The following MTHFSD variants were observed in gnomAD, a reference collection of about 807,000 sequenced individuals.
MTHFSD encodes the protein methenyltetrahydrofolate synthetase domain containing, also known as methenyltetrahydrofolate synthase domain-containing protein.
MTHFSD carries 37 observed loss-of-function variants against 31.1 expected under a neutral mutation model. That is an observed-to-expected ratio of 1.19 (90% confidence interval 0.91 to 1.56). The LOEUF is 1.56. Among genes scored for constraint, MTHFSD ranks in the 40% most tolerant of loss-of-function variants. The pLI is 0.00. For missense variants in MTHFSD, 664 were observed against 510.1 expected (o/e 1.30, Z -2.91); for synonymous variants, 221 against 206.9 (o/e 1.07, Z -0.59).
At chr16:86,541,290 G>GT in intron 7 of MTHFSD, 3 of 873,508 alleles carry the variant, frequency 3.4e-6, no homozygotes, top group Non-Finnish European at 4.4e-6. Flanking sequence ...CAGATCGTCA[G>GT]TAAAAAAAAA....
intron 7 of MTHFSD, chr16:86,533,549 A>G (rs1194769882): frequency 6.6e-6 from 1 of 152,260 alleles, no homozygotes; most frequent in African/African-American, 2.4e-5. Context: ...GAGCTAGACA[A>G]CTGTAAATTG....
chr16:86,542,359 TGCCCACAAGCA>T lies in MTHFSD; in HGVS notation c.443-157_443-147del. On this transcript the variant is annotated intron_variant, in intron 5 of 7. Coordinates refer to ENST00000360900, the MANE Select transcript of MTHFSD (RefSeq NM_001159377.2). This position sits in a 1 kb window ranked among gnomAD's most constrained non-coding sequence, Gnocchi z 4.6. ...AATTTTCACAGAAATGCCCACCAAA[TGCCCACAAGCA>T]GCCCACACTGACGATGGACTTTTGG... 1.5e-6 allele frequency: 1 copy of T among 661,786 alleles called. No individual in the cohort carries two copies. The highest frequency in any genetic ancestry group is 2.5e-6 in the Non-Finnish European group (1 of 392,478). The allele number at this position is 661,786 out of a possible 1,614,324, so 41.0% of individuals were successfully genotyped here. A position where few individuals can be genotyped will look rare whatever the true frequency, so the allele number is the denominator to read the frequency against.
intron 7 of MTHFSD, chr16:86,541,267 CT>C (rs1378491578): frequency 5.8e-6 from 7 of 1,202,920 alleles, no homozygotes; most frequent in Non-Finnish European, 7.5e-6. Context: ...CAGGCTAGAT[CT>C]GCTTGAAGAT....
chr16:86,539,689 T>C (rs1971213134), intron 7 of MTHFSD, among the ~76,000 whole-genome samples: 1 of 152,148 alleles, frequency 6.6e-6, no homozygotes, highest in Non-Finnish European at 1.5e-5. Context: ...CTGTTTACAG[T>C]AACTGCACTC....
intron 2 of MTHFSD, among the ~76,000 whole-genome samples, chr16:86,552,570 A>G (rs1388504399): frequency 6.6e-6 from 1 of 152,184 alleles, no homozygotes; most frequent in Non-Finnish European, 1.5e-5. Context: ...TGTAACCACC[A>G]CCAAAATCAA....
chr16:86,537,413 C>G (rs370604417), intron 7 of MTHFSD, among the ~76,000 whole-genome samples: 4 of 152,132 alleles, frequency 2.6e-5, no homozygotes, highest in Non-Finnish European at 4.4e-5. Context: ...GGACTCCCCC[C>G]ACCCCCATTT....
At position 86,532,281 on chromosome 16, in the gene MTHFSD, A is replaced by C. The variant is rs779907962; in HGVS notation, c.882T>G (p.Pro294=). ...GPETNSMEAA[P]GSPPGEGAPL... is the part of the protein sequence containing the mutation. ...GGGCACCCTCCCCTGGTGGGGAGCC[A>C]GGGGCTGCCTCCATGGAATTGGTTT... is the stretch of plus-strand genomic sequence containing the variant. The change falls in exon 8 of 8, where the codon CCT becomes CCG. Residue 294 remains proline (P), a synonymous_variant. Coordinates refer to ENST00000360900, the MANE Select transcript of MTHFSD (RefSeq NM_001159377.2). 1.8e-5 allele frequency: 29 copies of C among 1,569,342 alleles called. No individual in the cohort carries two copies. Among genetic ancestry groups the C allele is most frequent in the Non-Finnish European group, 2.3e-5 (27 of 1,160,484 alleles).
In MTHFSD at chr16:86,540,567, C is replaced by T. The variant is rs147616359; in HGVS notation, c.681+1130G>A. The stretch of plus-strand genomic sequence containing the variant: ...CCTAGAGGGACTGCCAGCAGCTTCG[C>T]TGTGGCTAATGCCCTTGTGCAACCT... On this transcript the variant is annotated intron_variant, in intron 7 of 7. Transcript: ENST00000360900. 6.4e-6 allele frequency: 4 copies of T among 624,830 alleles called. No homozygotes were observed. The East Asian group carries it at 5.6e-4, about 87-fold the overall frequency. The allele number at this position is 624,830 out of a possible 1,614,324, so 38.7% of individuals were successfully genotyped here.
chr16:86,533,530 G>A (rs918342551), intron 7 of MTHFSD: 11 of 152,196 alleles, frequency 7.2e-5, no homozygotes, highest in Non-Finnish European at 1.6e-4. Flanking sequence ...GCAGTACAGG[G>A]CAGCACATGA....
chr16:86,551,067 A>G (rs974421990), intron 3 of MTHFSD, among the ~76,000 whole-genome samples: 3 of 152,242 alleles, frequency 2.0e-5, no homozygotes, highest in African/African-American at 2.4e-5. Flanking sequence ...CAGCAAAACC[A>G]TATCAACCAT....
intron 2 of MTHFSD, chr16:86,552,422 C>A: frequency 1.4e-6 from 1 of 736,706 alleles, no homozygotes; most frequent in Non-Finnish European, 2.1e-6. Context: ...TCTAAGGAAG[C>A]AGTCTAAGTA....
At chr16:86,541,562 G>T in intron 7 of MTHFSD, 135 bp downstream of exon 7, 1 of 1,254,002 alleles carries the variant, frequency 8.0e-7, no homozygotes, top group Non-Finnish European at 1.1e-6. Flanking sequence ...GAGCCAAATT[G>T]CTCAAAAGCT....
At position 86,551,489 on chromosome 16, in the gene MTHFSD, T is replaced by C. The variant is rs1895533287; in HGVS notation, c.237+544A>G. Among the ~76,000 whole-genome samples the C allele has an allele frequency of 2.0e-5, 3 of 152,338 alleles. No individual in the cohort carries two copies. The South Asian group carries it at 6.2e-4, about 32-fold the overall frequency. ...GCTTCAACGCCATAGTTTTTGTGTT[T>C]GTTTGGTTAGGAAGTTAAAAAATAA... On this transcript the variant is annotated intron_variant, in intron 3 of 7. Coordinates refer to ENST00000360900, the MANE Select transcript of MTHFSD (RefSeq NM_001159377.2).
intron 1 of MTHFSD, 196 bp from the exon 2 acceptor site, chr16:86,554,947 C>T (rs1973869320): frequency 8.0e-7 from 1 of 1,255,592 alleles, no homozygotes; most frequent in Non-Finnish European, 1.1e-6. Context: ...CCCGCCTCGT[C>T]TTCTCGTTAT....
rs1178986008 is a variant in MTHFSD, at chr16:86,542,219, A to G, written c.443-6T>C. Reference sequence around the variant, plus strand: ...TCCCTTCCCGATTCTCCAGCCTAAGAGACAACCGAGAATCAGTATCGCTGT... The same window carrying G: ...TCCCTTCCCGATTCTCCAGCCTAAGGGACAACCGAGAATCAGTATCGCTGT... On this transcript the variant is annotated splice_region_variant and splice_polypyrimidine_tract_variant and intron_variant, in intron 5 of 7. Transcript: ENST00000360900. The surrounding 1 kb of genome is among the most constrained non-coding windows in gnomAD (Gnocchi z 4.6). The G allele has an allele frequency of 6.2e-7, 1 of 1,610,754 alleles. No homozygotes were observed. Among genetic ancestry groups the G allele is most frequent in the Non-Finnish European group, 8.5e-7 (1 of 1,178,040 alleles).
intron 7 of MTHFSD, among the ~76,000 whole-genome samples, chr16:86,538,779 A>T (rs1274516458): frequency 6.6e-6 from 1 of 152,198 alleles, no homozygotes; most frequent in Non-Finnish European, 1.5e-5. Flanking sequence ...CCAGCCTGGC[A>T]GAGATCCTTG....
chr16:86,547,380 C>T (rs2143759920), intron 4 of MTHFSD: 6 of 985,756 alleles, frequency 6.1e-6, no homozygotes, highest in East Asian at 1.1e-4. Flanking sequence ...CCAGCAGTAA[C>T]TGATCATTCG....
chr16:86,538,628 C>T (rs1040010445), intron 7 of MTHFSD, among the ~76,000 whole-genome samples: 6 of 152,368 alleles, frequency 3.9e-5, no homozygotes, highest in Non-Finnish European at 8.8e-5. Context: ...CAGCCCACTA[C>T]AGACTACCTG....
At chr16:86,534,446 C>T (rs558390987) in intron 7 of MTHFSD, among the ~76,000 whole-genome samples, 11 of 152,334 alleles carry the variant, frequency 7.2e-5, no homozygotes, top group African/African-American at 2.6e-4. Context: ...CCTGAGAATG[C>T]TTGCTTCTGC....
Sources: gnomAD v4.1 joint callset for allele counts (sites outside exome capture counted in the v4.1 genomes callset) on GRCh38, gnomAD v4.1.1 for gene constraint, Gnocchi (gnomAD v3.1) non-coding constraint, MANE v1.5 for transcripts, NCBI Gene and HGNC (gene_info 2026-07-23, HGNC 2026-07-21) for gene names.